Variants in EVC2 observed in about 807,000 individuals in gnomAD.
EVC2 encodes limbin.
A neutral mutation model predicts 149.3 loss-of-function variants in EVC2; 148 were observed. The observed-to-expected ratio is 0.99, with a 90% CI of 0.87 to 1.14. EVC2 has a LOEUF of 1.14. Among genes scored for constraint, EVC2 ranks in the 50% most tolerant of loss-of-function variants. The pLI, the probability that EVC2 is intolerant of heterozygous loss-of-function variation, is 0.00. For synonymous variants in EVC2, 776 were observed against 649.9 expected (o/e 1.19, Z -2.95); for missense variants, 1,854 against 1,627.3 (o/e 1.14, Z -2.40).
At position 5,644,523 on chromosome 4, in the gene EVC2, T is replaced by A. The variant is rs1368737128; in HGVS notation, c.1146-3685A>T. Reference sequence around the variant, plus strand: ...TTTCACCATGTTGGCCAGGATGGTCTCAATCTCTTGACCTCATGATCTGCC... The same window carrying A: ...TTTCACCATGTTGGCCAGGATGGTCACAATCTCTTGACCTCATGATCTGCC... On this transcript the variant is annotated intron_variant, in intron 9 of 21. Coordinates refer to ENST00000344408, the MANE Select transcript of EVC2 (RefSeq NM_147127.5). Among the ~76,000 whole-genome samples the A allele has an allele frequency of 4.6e-5, 7 of 152,316 alleles. No individual in the cohort carries two copies. The East Asian group carries it at 1.4e-3, about 29-fold the overall frequency.
chr4:5,669,109 G>C (rs1306552530), intron 7 of EVC2, among the ~76,000 whole-genome samples: 2 of 152,178 alleles, frequency 1.3e-5, no homozygotes, highest in African/African-American at 2.4e-5. Flanking sequence ...CAGAAGCTAA[G>C]AAGAGGCAAA....
rs201654752 is a variant in EVC2, at chr4:5,694,518, C to T, written c.284-17G>A. 305 of 1,614,176 alleles carry T rather than the reference C, an allele frequency of 1.9e-4. No individual in the cohort carries two copies. The highest frequency in any genetic ancestry group is 7.8e-4 in the East Asian group (35 of 44,878). On this transcript the variant is annotated splice_polypyrimidine_tract_variant and intron_variant, in intron 2 of 21. Transcript: ENST00000344408. Reference sequence around the variant, plus strand: ...GTGCTTCCACTGCAAAACAACAACACACCCGTTTTATATAATGCGGAAAGA... The same window carrying T: ...GTGCTTCCACTGCAAAACAACAACATACCCGTTTTATATAATGCGGAAAGA...
chr4:5,669,687 C>T (rs1332564251), intron 7 of EVC2, among the ~76,000 whole-genome samples: 1 of 152,210 alleles, frequency 6.6e-6, no homozygotes, highest in African/African-American at 2.4e-5. Flanking sequence ...CAGGCTACCT[C>T]AAATCTCTTC....
At chr4:5,624,424 G>T (rs891841894) in intron 13 of EVC2, among the ~76,000 whole-genome samples, 6 of 152,166 alleles carry the variant, frequency 3.9e-5, no homozygotes, top group African/African-American at 1.4e-4. Context: ...TAACCAGAGA[G>T]AATCAATTCA....
intron 10 of EVC2, among the ~76,000 whole-genome samples, chr4:5,632,574 G>A (rs1222223056): frequency 6.6e-6 from 1 of 152,194 alleles, no homozygotes; most frequent in African/African-American, 2.4e-5. Context: ...CATGCTGTCA[G>A]GCTCACAAGA....
Position 5,636,154 on chromosome 4 carries a change from G to C in EVC2, c.1471-4122C>G, listed in dbSNP as rs1320754462. Among the ~76,000 whole-genome samples, 1 of 152,116 alleles carries C rather than the reference G, an allele frequency of 6.6e-6. No homozygotes were observed. Among genetic ancestry groups the C allele is most frequent in the African/African-American group, 2.4e-5 (1 of 41,404 alleles). Reference sequence around the variant, plus strand: ...TTAAGGATGGGGAAAGGAGACCCAGGGTGACTGGGTAACGTGCCTACTGGA... The same window carrying C: ...TTAAGGATGGGGAAAGGAGACCCAGCGTGACTGGGTAACGTGCCTACTGGA... On this transcript the variant is annotated intron_variant, in intron 10 of 21. Transcript: ENST00000344408. The surrounding 1 kb of genome is among the most constrained non-coding windows in gnomAD (Gnocchi z 4.6).
At chr4:5,626,609 C>T (rs889792761) in intron 12 of EVC2, among the ~76,000 whole-genome samples, 1 of 152,128 alleles carries the variant, frequency 6.6e-6, no homozygotes, top group African/African-American at 2.4e-5. Flanking sequence ...GCTGGGATTA[C>T]AGGCGTGAGC....
chr4:5,579,673 C>T (rs1454522004), intron 17 of EVC2, among the ~76,000 whole-genome samples: 1 of 152,114 alleles, frequency 6.6e-6, no homozygotes, highest in East Asian at 1.9e-4. Context: ...GAAGCCTTGT[C>T]TCTACTAAAA....
chr4:5,625,642 C>T lies in EVC2; in HGVS notation c.2046+107G>A. On this transcript the variant is annotated intron_variant, in intron 13 of 21. Coordinates refer to ENST00000344408, the MANE Select transcript of EVC2 (RefSeq NM_147127.5). This position sits in a 1 kb window ranked among gnomAD's most constrained non-coding sequence, Gnocchi z 4.0. ...CACATCATGGTGCCTGCCCAGCTGC[C>T]CTTCTGATCCTAGTTCACCAATGGC... The T allele has an allele frequency of 6.9e-7, 1 of 1,458,330 alleles. No homozygotes were observed. The highest frequency in any genetic ancestry group is 2.3e-5 in the East Asian group (1 of 43,872). 90.3% of individuals were successfully genotyped at this position (1,458,330 alleles called of 1,614,324 possible). A position where few individuals can be genotyped will look rare whatever the true frequency, so the allele number is the denominator to read the frequency against.
At chr4:5,536,259 C>G in the EVC2 span, among the ~76,000 whole-genome samples, 2 of 152,074 alleles carry the variant, frequency 1.3e-5, no homozygotes, top group African/African-American at 4.8e-5. Flanking sequence ...ATATCAGAAC[C>G]TAGTGCCCCT....
At position 5,641,519 on chromosome 4, in the gene EVC2, G is replaced by A. The variant is rs560261420; in HGVS notation, c.1146-681C>T. Among the ~76,000 whole-genome samples the A allele has an allele frequency of 5.3e-5, 8 of 152,236 alleles. No homozygotes were observed. In the South Asian group the frequency reaches 1.5e-3, roughly 28 times the overall value. On this transcript the variant is annotated intron_variant, in intron 9 of 21. Transcript: ENST00000344408. ...AATGCGAGGTAGTTCGCAGAGTCAC[G>A]GTGTTCTGAAACCTGACTGGCGGTA...
chr4:5,568,301 T>C (rs1027704372), intron 20 of EVC2, 143 bp downstream of exon 20: 1 of 894,646 alleles, frequency 1.1e-6, no homozygotes, highest in Non-Finnish European at 1.6e-6. Flanking sequence ...ACTTATTTTC[T>C]TAAGATTCTA....
At chr4:5,583,267 C>T (rs958197285) in intron 17 of EVC2, among the ~76,000 whole-genome samples, 2 of 152,142 alleles carry the variant, frequency 1.3e-5, no homozygotes, top group Non-Finnish European at 2.9e-5. Context: ...ATTTTGTTTT[C>T]AAATGGTACA....
the EVC2 span, among the ~76,000 whole-genome samples, chr4:5,532,584 C>A: frequency 6.6e-6 from 1 of 152,138 alleles, no homozygotes; most frequent in Non-Finnish European, 1.5e-5. Context: ...TTCAGCCCAC[C>A]TCATCTGCCA....
At chr4:5,593,937 G>A (rs1297492027) in intron 16 of EVC2, among the ~76,000 whole-genome samples, 1 of 152,362 alleles carries the variant, frequency 6.6e-6, no homozygotes, top group East Asian at 1.9e-4. Flanking sequence ...CTGGCTTGGA[G>A]GGTCCTACAC....
Position 5,625,956 on chromosome 4 carries a change from T to C in EVC2, c.1887-48A>G. 15 of 1,609,486 alleles carry C rather than the reference T, an allele frequency of 9.3e-6. No individual in the cohort carries two copies. The highest frequency in any genetic ancestry group is 1.3e-5 in the Non-Finnish European group (15 of 1,177,358). ...TAGGAATGTGGTCTCCAAACTCACC[T>C]GTAGCTTAACTGCTATTGTGCCTGA... On this transcript the variant is annotated intron_variant, in intron 12 of 21. Transcript: ENST00000344408. This position sits in a 1 kb window ranked among gnomAD's most constrained non-coding sequence, Gnocchi z 4.0.
chr4:5,665,402 C>A (rs1459768077), intron 8 of EVC2, 113 bp downstream of exon 8: 7 of 1,534,218 alleles, frequency 4.6e-6, no homozygotes, highest in South Asian at 1.1e-5. Flanking sequence ...GGTTTTTGTG[C>A]ACAGCTCCCT....
intron 16 of EVC2, among the ~76,000 whole-genome samples, chr4:5,610,570 T>G (rs1346307470): frequency 6.6e-6 from 1 of 152,104 alleles, no homozygotes; most frequent in East Asian, 1.9e-4. Context: ...GACAAAGGTC[T>G]GCCCCAAATG....
At chr4:5,590,462 CCTCA>C (rs1560144953) in intron 16 of EVC2, among the ~76,000 whole-genome samples, 2 of 152,144 alleles carry the variant, frequency 1.3e-5, no homozygotes, top group African/African-American at 4.8e-5. Flanking sequence ...ACACTCCCTC[CCTCA>C]CTAACCATCA....
Sources: allele counts gnomAD v4.1 joint callset (sites outside exome capture counted in the v4.1 genomes callset), GRCh38; gene constraint gnomAD v4.1.1; non-coding constraint Gnocchi (gnomAD v3.1); transcripts MANE v1.5; gene names NCBI Gene and HGNC (gene_info 2026-07-23, HGNC 2026-07-21).